The following AUTS2 variants were observed in gnomAD, a reference collection of about 807,000 sequenced individuals.
AUTS2 encodes autism susceptibility gene 2 protein.
In AUTS2, 17 loss-of-function variants were observed where a neutral mutation model predicts 112.4. The ratio of observed to expected loss-of-function variants is 0.15; its 90% CI spans 0.10 to 0.23. AUTS2 has a LOEUF of 0.23. Among genes scored for constraint, AUTS2 ranks in the 10% least tolerant of loss-of-function variants. The probability of loss-of-function intolerance (pLI) is 1.00; values close to 1 mark genes in which losing one functional copy is unlikely to be tolerated. For missense variants in AUTS2, 1,510 were observed against 1,701.6 expected, an observed-to-expected ratio of 0.89 and a Z score of 1.98; for synonymous variants, 751 against 702.7, an observed-to-expected ratio of 1.07 and a Z score of -1.09.
At chr7:70,385,776 T>C (rs1179966902) in intron 4 of AUTS2, among the ~76,000 whole-genome samples, 1 of 152,184 alleles carries the variant, frequency 6.6e-6, no homozygotes, top group Non-Finnish European at 1.5e-5. Flanking sequence ...AAGACTGTTA[T>C]GATGTGAACA....
chr7:70,223,913 AG>A (rs1811617603), intron 4 of AUTS2, among the ~76,000 whole-genome samples: 2 of 147,240 alleles, frequency 1.4e-5, no homozygotes, highest in Non-Finnish European at 3.0e-5. Context: ...TGCCCAGGCT[AG>A]TCTTGAACTC....
chr7:70,364,902 C>A (rs1373808078), intron 4 of AUTS2, among the ~76,000 whole-genome samples: 1 of 152,102 alleles, frequency 6.6e-6, no homozygotes, highest in African/African-American at 2.4e-5. Context: ...TACTAAAATG[C>A]TAAAAACTTT....
At chr7:69,957,213 T>A (rs1797250600) in intron 2 of AUTS2, among the ~76,000 whole-genome samples, 1 of 152,006 alleles carries the variant, frequency 6.6e-6, no homozygotes, top group Admixed American at 6.6e-5. Context: ...TCAAAGAAAC[T>A]GTGGAATGAG....
At position 69,808,537 on chromosome 7, in the gene AUTS2, T is replaced by G. The variant is rs554139752; in HGVS notation, c.310-90749T>G. The stretch of plus-strand genomic sequence containing the variant: ...TAAAAAAAAAATTTTTTTTCAGGTT[T>G]GCGCTTAGGCACTAAATCATATACT... On this transcript the variant is annotated intron_variant, in intron 1 of 18. Coordinates refer to ENST00000342771, the MANE Select transcript of AUTS2 (RefSeq NM_015570.4). Among the ~76,000 whole-genome samples, 4 of 152,272 alleles carry G rather than the reference T, an allele frequency of 2.6e-5. No homozygotes were observed. The East Asian group carries it at 5.8e-4, about 22-fold the overall frequency.
chr7:70,168,327 C>T (rs1223929294), intron 4 of AUTS2, among the ~76,000 whole-genome samples: 1 of 152,184 alleles, frequency 6.6e-6, no homozygotes, highest in Non-Finnish European at 1.5e-5. Context: ...ATATTTTCAG[C>T]TGCCTGGGTA....
At chr7:70,062,021 C>T (rs945880600) in intron 2 of AUTS2, among the ~76,000 whole-genome samples, 3 of 151,932 alleles carry the variant, frequency 2.0e-5, no homozygotes, top group Admixed American at 2.0e-4. Flanking sequence ...CTCCTGACCT[C>T]AGGTGATCCA....
At chr7:69,830,635 G>T (rs1001401028) in intron 1 of AUTS2, among the ~76,000 whole-genome samples, 2 of 152,160 alleles carry the variant, frequency 1.3e-5, no homozygotes, top group African/African-American at 4.8e-5. Flanking sequence ...AACTGAGGAA[G>T]CGTTTGTTAT....
chr7:70,581,081 C>CA (rs1295962622), intron 5 of AUTS2, among the ~76,000 whole-genome samples: 1 of 151,798 alleles, frequency 6.6e-6, no homozygotes, highest in African/African-American at 2.4e-5. Flanking sequence ...TCCTTTGCTT[C>CA]AAAAAAAATT....
chr7:70,068,526 T>C (rs1024722655), intron 2 of AUTS2, among the ~76,000 whole-genome samples: 1 of 152,180 alleles, frequency 6.6e-6, no homozygotes, highest in African/African-American at 2.4e-5. Context: ...ATTACACTTA[T>C]GATAAAAATT....
At chr7:70,436,112 T>G (rs1337086977) in intron 5 of AUTS2, 3 of 254,546 alleles carry the variant, frequency 1.2e-5, no homozygotes, top group Non-Finnish European at 2.2e-5. Context: ...TAAAAATCCA[T>G]GATGAGAACG....
rs189407824 is a variant in AUTS2 at position 69,995,871 on chromosome 7, G to A, written c.522+96373G>A. Reference sequence around the variant, plus strand: ...TTTTAGGAAGCTGTACTGCTCTTCTGAGATTTTCTGCCTACTTACTGTCTG... The same window carrying A: ...TTTTAGGAAGCTGTACTGCTCTTCTAAGATTTTCTGCCTACTTACTGTCTG... On this transcript the variant is annotated intron_variant, in intron 2 of 18. Transcript: ENST00000342771. 2.0e-3 allele frequency among the ~76,000 whole-genome samples: 309 copies of A among 152,232 alleles called. 7 individuals are homozygous for A. The highest frequency in any genetic ancestry group is 4.7e-4 in the Non-Finnish European group (32 of 68,014).
At chr7:69,876,349 AATATATATATATATATAT>A (rs61416382) in intron 1 of AUTS2, among the ~76,000 whole-genome samples, 1 of 29,494 alleles carries the variant, frequency 3.4e-5, no homozygotes, top group Non-Finnish European at 5.5e-5. Flanking sequence ...AAAAAAAAAA[AATATATATATATATATAT>A]ATATATATAT....
At chr7:70,570,422 T>C (rs1302857745) in intron 5 of AUTS2, among the ~76,000 whole-genome samples, 1 of 152,198 alleles carries the variant, frequency 6.6e-6, no homozygotes, top group Admixed American at 6.5e-5. Flanking sequence ...TTAAAGTGAT[T>C]AATTGACTTC....
At chr7:70,100,563 C>T (rs186978552) in intron 2 of AUTS2, among the ~76,000 whole-genome samples, 62 of 151,916 alleles carry the variant, frequency 4.1e-4, no homozygotes, top group Admixed American at 1.5e-3. Flanking sequence ...TTTCTCCTAA[C>T]GCTATCCCTC....
intron 5 of AUTS2, among the ~76,000 whole-genome samples, chr7:70,571,444 T>C (rs900448244): frequency 7.2e-5 from 11 of 152,224 alleles, no homozygotes; most frequent in Non-Finnish European, 1.6e-4. Flanking sequence ...TTCTGTGAAA[T>C]GTATTTTCAT....
At chr7:70,149,398 G>T (rs1305971576) in intron 4 of AUTS2, among the ~76,000 whole-genome samples, 1 of 151,982 alleles carries the variant, frequency 6.6e-6, no homozygotes, top group Non-Finnish European at 1.5e-5. Context: ...ATATTTCTTA[G>T]AAACTGTTGC....
At chr7:69,997,255 A>G (rs539413070) in intron 2 of AUTS2, among the ~76,000 whole-genome samples, 1 of 151,976 alleles carries the variant, frequency 6.6e-6, no homozygotes, top group South Asian at 2.1e-4. Context: ...CAAGAATGAG[A>G]GTTACTTGTT....
intron 5 of AUTS2, among the ~76,000 whole-genome samples, chr7:70,507,830 C>T (rs1290190926): frequency 6.6e-6 from 1 of 152,092 alleles, no homozygotes; most frequent in Non-Finnish European, 1.5e-5. Flanking sequence ...GTAACTAAGA[C>T]ATAAAAACCA....
chr7:70,135,011 G>T (rs1302748964), intron 4 of AUTS2, among the ~76,000 whole-genome samples: 1 of 151,984 alleles, frequency 6.6e-6, no homozygotes, highest in Admixed American at 6.6e-5. Context: ...GAATGGAGAT[G>T]GTATTTTTTA....
Sources: allele counts gnomAD v4.1 joint callset (sites outside exome capture counted in the v4.1 genomes callset), GRCh38; gene constraint gnomAD v4.1.1; transcripts MANE v1.5; gene names NCBI Gene and HGNC (gene_info 2026-07-23, HGNC 2026-07-21).